CRLS1: variants seen among roughly 807,000 people sequenced by gnomAD.
CRLS1 encodes the protein cardiolipin synthase (CMP-forming).
Under a neutral mutation model 37.0 loss-of-function variants are expected in CRLS1, and 24 were observed. That is an observed-to-expected ratio of 0.65 (90% CI 0.47 to 0.91). CRLS1 has a LOEUF of 0.91. Ranked by LOEUF, CRLS1 falls within the 40% of genes least tolerant of loss-of-function variation. The probability of loss-of-function intolerance (pLI) is 0.00; values close to 1 mark genes in which losing one functional copy is unlikely to be tolerated. For synonymous variants in CRLS1, 135 were observed against 159.7 expected (o/e 0.85, Z 1.17); for missense variants, 373 against 395.8 (o/e 0.94, Z 0.49).
At chr20:6,020,478 A>T (rs1287654423) in intron 3 of CRLS1, among the ~76,000 whole-genome samples, 3 of 152,198 alleles carry the variant, frequency 2.0e-5, no homozygotes, top group Non-Finnish European at 4.4e-5. Flanking sequence ...TTCAGAGAAC[A>T]TGCTCTGTGA....
At chr20:6,007,535 T>TTC in intron 1 of CRLS1, 4 of 918,118 alleles carry the variant, frequency 4.4e-6, no homozygotes, top group Non-Finnish European at 6.9e-6. Context: ...TAAAAAGAAC[T>TTC]CCCTTCACTG....
chr20:6,018,640 A>T (rs1439432790), intron 3 of CRLS1, among the ~76,000 whole-genome samples: 1 of 152,036 alleles, frequency 6.6e-6, no homozygotes, highest in Non-Finnish European at 1.5e-5. Flanking sequence ...TGGGTACTGA[A>T]TTTTTTTGTG....
intron 2 of CRLS1, 59 bp from the exon 3 acceptor site, chr20:6,015,302 A>G: frequency 8.8e-7 from 1 of 1,141,122 alleles, no homozygotes; most frequent in Admixed American, 2.4e-5. Context: ...AAGCTTCAGA[A>G]TATCTGCTTT....
At chr20:6,008,407 A>G (rs1285714099) in intron 1 of CRLS1, among the ~76,000 whole-genome samples, 2 of 152,198 alleles carry the variant, frequency 1.3e-5, no homozygotes, top group East Asian at 3.8e-4. Context: ...GAGGCTTTTC[A>G]AAGCTGAAAT....
At chr20:6,035,514 C>G (rs951815868) in intron 6 of CRLS1, among the ~76,000 whole-genome samples, 1 of 150,888 alleles carries the variant, frequency 6.6e-6, no homozygotes, top group African/African-American at 2.4e-5. Context: ...TTTTTTTCCC[C>G]TAGGAACCCA....
At chr20:6,007,240 A>T in intron 1 of CRLS1, 1 of 1,507,040 alleles carries the variant, frequency 6.6e-7, no homozygotes, top group East Asian at 2.5e-5. Flanking sequence ...TGGCCCCTGT[A>T]CTGCTTTCAT....
At position 6,037,090 on chromosome 20, in the gene CRLS1, A is replaced by G; in HGVS notation, c.838A>G (p.Thr280Ala). ...LQILWCFTAF[T>A]TAASAYSYYH... ...CCATAAAAGGTGTTTTACAGCTTTC[A>G]CCACAGCTGCATCAGCTTATAGTTA... Residue 280 changes from threonine (T) to alanine (A), a missense_variant, in exon 7 of 7, where the codon ACC (threonine) becomes GCC (alanine). Thr to Ala is a moderately conservative substitution (Grantham distance 58). Transcript: ENST00000378863. 1.2e-6 allele frequency: 2 copies of G among 1,613,198 alleles called. No homozygotes were observed. Among genetic ancestry groups the G allele is most frequent in the Non-Finnish European group, 1.7e-6 (2 of 1,179,588 alleles).
intron 2 of CRLS1, among the ~76,000 whole-genome samples, chr20:6,013,220 GC>G (rs1978473119): frequency 8.8e-6 from 1 of 113,148 alleles, no homozygotes; most frequent in Admixed American, 9.3e-5. Flanking sequence ...TTTTTGTTTG[GC>G]CTTTTTTTTT....
intron 3 of CRLS1, among the ~76,000 whole-genome samples, chr20:6,029,003 T>C (rs1012771550): frequency 2.3e-4 from 35 of 152,226 alleles, no homozygotes; most frequent in Non-Finnish European, 4.4e-4. Context: ...GGCTGAGGCC[T>C]TTGAGACCAC....
Position 6,021,065 on chromosome 20 carries a change from C to CT in CRLS1, c.574+5594dup, listed in dbSNP as rs148717152. Among the ~76,000 whole-genome samples, 1,012 of 114,326 alleles carry CT rather than the reference C, an allele frequency of 8.9e-3. 13 individuals carry two copies. Among genetic ancestry groups the CT allele is most frequent in the East Asian group, 0.033 (128 of 3,866 alleles). 75.0% of individuals were successfully genotyped at this position (114,326 alleles called of 152,430 possible). On this transcript the variant is annotated intron_variant, in intron 3 of 6. Coordinates refer to ENST00000378863, the MANE Select transcript of CRLS1 (RefSeq NM_019095.6). ...CTGTAGTTGTGATTTTGTTTTGTAT[C>CT]TTTTTTTTTTTTTTTTTTTGAGACG... is the stretch of plus-strand genomic sequence containing the variant.
At chr20:6,013,115 T>C (rs1170183869) in intron 2 of CRLS1, among the ~76,000 whole-genome samples, 1 of 151,990 alleles carries the variant, frequency 6.6e-6, no homozygotes, top group Non-Finnish European at 1.5e-5. Context: ...TAAAAAGATA[T>C]ATACTGGGGA....
At chr20:6,024,154 C>T (rs567891021) in intron 3 of CRLS1, among the ~76,000 whole-genome samples, 23 of 152,170 alleles carry the variant, frequency 1.5e-4, no homozygotes, top group Non-Finnish European at 2.2e-4. Context: ...TGGGGTTTCC[C>T]TATGTTGCCC....
chr20:6,024,211 C>A (rs1343034580), intron 3 of CRLS1, among the ~76,000 whole-genome samples: 1 of 152,150 alleles, frequency 6.6e-6, no homozygotes. Context: ...CCACCTCAGC[C>A]TTTCAAAGTG....
chr20:6,015,542 G>A (rs769881685), intron 3 of CRLS1, 52 bp downstream of exon 3: 1 of 1,564,448 alleles, frequency 6.4e-7, no homozygotes, highest in South Asian at 1.1e-5. Flanking sequence ...AATGACATTA[G>A]TCAGCTTAGG....
intron 2 of CRLS1, among the ~76,000 whole-genome samples, chr20:6,012,282 A>C (rs990906056): frequency 6.6e-5 from 10 of 152,162 alleles, no homozygotes; most frequent in African/African-American, 2.4e-4. Context: ...TGGATTATAG[A>C]CAGCTAAGAG....
At chr20:6,018,045 C>T (rs76583954) in intron 3 of CRLS1, among the ~76,000 whole-genome samples, 3 of 151,744 alleles carry the variant, frequency 2.0e-5, no homozygotes, top group Admixed American at 6.6e-5. Flanking sequence ...TGGCGAAACC[C>T]TGTCTACTAA....
At chr20:6,033,244 C>T (rs927349421) in intron 5 of CRLS1, among the ~76,000 whole-genome samples, 1 of 152,006 alleles carries the variant, frequency 6.6e-6, no homozygotes, top group African/African-American at 2.4e-5. Context: ...ATTCTCCTGC[C>T]TCAGTCTCCC....
At chr20:6,019,123 G>T (rs1979003446) in intron 3 of CRLS1, among the ~76,000 whole-genome samples, 1 of 151,936 alleles carries the variant, frequency 6.6e-6, no homozygotes, top group Non-Finnish European at 1.5e-5. Flanking sequence ...TAAATGTTTG[G>T]TAGAATCTGT....
chr20:6,020,174 CTA>C (rs1979140948), intron 3 of CRLS1, among the ~76,000 whole-genome samples: 2 of 152,202 alleles, frequency 1.3e-5, no homozygotes, highest in African/African-American at 4.8e-5. Flanking sequence ...CCTTCATAGT[CTA>C]GTGTGTGTTT....
Sources: allele counts gnomAD v4.1 joint callset (sites outside exome capture counted in the v4.1 genomes callset), GRCh38; gene constraint gnomAD v4.1.1; transcripts MANE v1.5; gene names NCBI Gene and HGNC (gene_info 2026-07-23, HGNC 2026-07-21).